Variants in GGTA1 observed in about 807,000 individuals in gnomAD.
GGTA1 encodes the protein glycoprotein alpha-galactosyltransferase 1 (inactive).
A neutral mutation model predicts 2.6 loss-of-function variants in GGTA1; 5 were observed. That is an observed-to-expected ratio of 1.92 (90% CI 1.00 to 4.04). GGTA1 has a LOEUF of 4.04. Among genes scored for constraint, GGTA1 ranks in the 30% most tolerant of loss-of-function variants. The pLI, the probability that GGTA1 is intolerant of heterozygous loss-of-function variation, is 0.00. For missense variants in GGTA1, 50 were observed against 16.7 expected (o/e 2.99, Z -3.47); for synonymous variants, 17 against 5.0 (o/e 3.38, Z -3.19).
At position 121,455,199 on chromosome 9, in the gene GGTA1, C is replaced by T. The variant is rs1408546842; in HGVS notation, c.*638G>A. The T allele has an allele frequency of 1.3e-5, 2 of 151,978 alleles. No individual in the cohort carries two copies. The highest frequency in any genetic ancestry group is 2.9e-5 in the Non-Finnish European group (2 of 67,988). The allele number at this position is 151,978 out of a possible 1,614,324, so 9.4% of individuals were successfully genotyped here. ...GAATGACGAGATTGTAAACCAGAAA[C>T]CAAAAACCAAAAAACACCCACACAG... On this transcript the variant is annotated 3_prime_UTR_variant, in exon 6 of 6. Transcript: ENST00000481799.
At chr9:121,456,051 G>A (rs746245863) in intron 5 of GGTA1, among the ~76,000 whole-genome samples, 2 of 151,978 alleles carry the variant, frequency 1.3e-5, no homozygotes, top group African/African-American at 2.4e-5. Context: ...TGGATGAACC[G>A]CTGCATCAAG....
At chr9:121,487,574 C>CAAAAAA (rs35537073) in intron 1 of GGTA1, among the ~76,000 whole-genome samples, 2 of 65,926 alleles carry the variant, frequency 3.0e-5, no homozygotes, top group Non-Finnish European at 5.5e-5. Context: ...GACTCTGTCT[C>CAAAAAA]AAAAAAAAAA....
At chr9:121,474,700 C>G (rs192999755) in intron 1 of GGTA1, among the ~76,000 whole-genome samples, 16 of 152,348 alleles carry the variant, frequency 1.1e-4, no homozygotes, top group Admixed American at 3.3e-4. Flanking sequence ...CCTATCTTCT[C>G]CATCTCGTGC....
intron 1 of GGTA1, among the ~76,000 whole-genome samples, chr9:121,488,005 C>T (rs769807451): frequency 1.3e-5 from 2 of 152,110 alleles, no homozygotes; most frequent in African/African-American, 2.4e-5. Context: ...TGTGAGCCAC[C>T]GCGCCAGGCC....
At chr9:121,473,975 G>GGGAC (rs1564654702) in intron 1 of GGTA1, among the ~76,000 whole-genome samples, 1 of 146,816 alleles carries the variant, frequency 6.8e-6, no homozygotes, top group Non-Finnish European at 1.5e-5. Context: ...GAGGGAGGGA[G>GGGAC]AGAGAGAGAG....
At chr9:121,483,188 G>T (rs1031121420) in intron 1 of GGTA1, among the ~76,000 whole-genome samples, 1 of 152,124 alleles carries the variant, frequency 6.6e-6, no homozygotes, top group African/African-American at 2.4e-5. Context: ...GTAGGACAGG[G>T]CCCTTCACTA....
rs114588635 is a variant in GGTA1, at chr9:121,455,923, A to T, written c.299-82T>A. 1,570 of 438,662 alleles carry T rather than the reference A, an allele frequency of 3.6e-3. 24 individuals carry two copies. Among genetic ancestry groups the T allele is most frequent in the African/African-American group, 0.029 (1,450 of 49,802 alleles). The allele number at this position is 438,662 out of a possible 1,614,324, so 27.2% of individuals were successfully genotyped here. On this transcript the variant is annotated intron_variant, in intron 5 of 5. Coordinates refer to ENST00000481799, the MANE Select transcript of GGTA1 (RefSeq NM_001382585.1). ...CTATTTCCCAGCTGTTAATTATTTG[A>T]TTCCACTGACAATTCCAACAGGTCA... is the stretch of plus-strand genomic sequence containing the variant.
At chr9:121,493,350 A>G (rs1336125474) in intron 1 of GGTA1, among the ~76,000 whole-genome samples, 3 of 151,928 alleles carry the variant, frequency 2.0e-5, no homozygotes, top group East Asian at 1.9e-4. Flanking sequence ...AAGCCACCCT[A>G]TGTTTGGCTT....
chr9:121,445,126 C>T (rs2064847006), exon 8 of GGTA1: 1 of 152,066 alleles, frequency 6.6e-6, no homozygotes, highest in Non-Finnish European at 1.5e-5. Flanking sequence ...CAAGAAATTC[C>T]TTTAAAAGTA....
intron 1 of GGTA1, among the ~76,000 whole-genome samples, chr9:121,496,835 G>T (rs556846784): frequency 6.6e-6 from 1 of 150,772 alleles, no homozygotes; most frequent in African/African-American, 2.4e-5. Context: ...CAGCTTGGGA[G>T]ACAGAATGAG....
At chr9:121,470,158 T>C (rs974640382) in intron 1 of GGTA1, among the ~76,000 whole-genome samples, 2 of 152,226 alleles carry the variant, frequency 1.3e-5, no homozygotes, top group African/African-American at 4.8e-5. Context: ...CACACTGGAC[T>C]GACCATCACA....
At chr9:121,451,115 GA>G (rs35130849), downstream of GGTA1, among the ~76,000 whole-genome samples, 2 of 149,190 alleles carry the variant, frequency 1.3e-5, no homozygotes. Flanking sequence ...GTTTTATTTT[GA>G]AAAAAAAAGG....
intron 1 of GGTA1, among the ~76,000 whole-genome samples, chr9:121,491,246 G>C (rs1279268212): frequency 6.6e-6 from 1 of 152,190 alleles, no homozygotes; most frequent in Non-Finnish European, 1.5e-5. Context: ...CCAGAGGACA[G>C]CTGGCCTGCC....
At position 121,467,825 on chromosome 9, in the gene GGTA1, A is replaced by G. The variant is rs1479201089; in HGVS notation, c.80+18T>C. Reference sequence around the variant, plus strand: ...GCAGTATTTTCATCCACATCACTTCATCATGTTTCATAATTACCTGTTGAT... The same window carrying G: ...GCAGTATTTTCATCCACATCACTTCGTCATGTTTCATAATTACCTGTTGAT... On this transcript the variant is annotated intron_variant, in intron 2 of 5. Transcript: ENST00000481799. 3 of 455,372 alleles carry G rather than the reference A, an allele frequency of 6.6e-6. No homozygotes were observed. The highest frequency in any genetic ancestry group is 1.3e-5 in the Non-Finnish European group (3 of 226,602). The allele number at this position is 455,372 out of a possible 1,614,324, so 28.2% of individuals were successfully genotyped here.
intron 1 of GGTA1, 52 bp from the exon 2 acceptor site, chr9:121,467,983 C>T (rs1436235247): frequency 4.7e-6 from 2 of 428,608 alleles, no homozygotes; most frequent in Non-Finnish European, 9.2e-6. Flanking sequence ...AATCAATGAA[C>T]TTCAAGAGGC....
At chr9:121,495,678 C>CT (rs1242726489) in intron 1 of GGTA1, among the ~76,000 whole-genome samples, 6 of 152,194 alleles carry the variant, frequency 3.9e-5, no homozygotes, top group Non-Finnish European at 5.9e-5. Flanking sequence ...CCTAATTACC[C>CT]AATGCAACTT....
downstream of GGTA1, among the ~76,000 whole-genome samples, chr9:121,454,824 C>G (rs1412447023): frequency 3.3e-5 from 5 of 152,126 alleles, no homozygotes; most frequent in Non-Finnish European, 7.3e-5. Context: ...ACCAGCCTAG[C>G]CAACATGGTG....
downstream of GGTA1, among the ~76,000 whole-genome samples, chr9:121,453,303 G>T (rs907628061): frequency 6.6e-6 from 1 of 152,168 alleles, no homozygotes; most frequent in African/African-American, 2.4e-5. Flanking sequence ...AACACAAAAG[G>T]GGTGAGAGGG....
At chr9:121,468,038 A>G (rs1314735060) in intron 1 of GGTA1, 107 bp from the exon 2 acceptor site, 15 of 394,736 alleles carry the variant, frequency 3.8e-5, no homozygotes, top group South Asian at 1.9e-5. Flanking sequence ...TAAAATTACT[A>G]CTATACTTTA....
Sources: gnomAD v4.1 joint callset for allele counts (sites outside exome capture counted in the v4.1 genomes callset) on GRCh38, gnomAD v4.1.1 for gene constraint, MANE v1.5 for transcripts, NCBI Gene and HGNC (gene_info 2026-07-23, HGNC 2026-07-21) for gene names.